The following AXDND1 variants were observed in gnomAD, a reference collection of about 807,000 sequenced individuals.
AXDND1 encodes the protein axonemal dynein light chain domain containing 1.
AXDND1 carries 110 observed loss-of-function variants against 137.5 expected under a neutral mutation model. The observed-to-expected ratio is 0.80, with a 90% CI of 0.69 to 0.94. The LOEUF is 0.94. Ranked by LOEUF, AXDND1 falls within the 40% of genes least tolerant of loss-of-function variation. The probability of loss-of-function intolerance (pLI) is 0.00; values close to 1 mark genes in which losing one functional copy is unlikely to be tolerated. For missense variants in AXDND1, 1,191 were observed against 1,169.8 expected (o/e 1.02, Z -0.26); for synonymous variants, 414 against 399.7 (o/e 1.04, Z -0.43).
intron 25 of AXDND1, chr1:179,551,753 T>G: frequency 2.6e-6 from 1 of 385,024 alleles, no homozygotes; most frequent in Non-Finnish European, 4.8e-6. Flanking sequence ...GAGAAAAGAT[T>G]AGCCAGCATT....
chr1:179,404,304 C>T (rs1318903659), intron 11 of AXDND1, among the ~76,000 whole-genome samples: 2 of 151,562 alleles, frequency 1.3e-5, no homozygotes. Context: ...TCACTGCAAC[C>T]TCTGCCTCCT....
rs1159341034 is a variant in AXDND1, at chr1:179,488,630, CTCTCCTT to C, written c.2092-2904_2092-2898del. Reference sequence around the variant, plus strand: ...TTTCTTTCTTTCTTTCTCTCTCTCTCTCTCCTTTCTTTCTTTCTTTCTTTCTTTCTTT... The same window carrying C: ...TTTCTTTCTTTCTTTCTCTCTCTCTCTCTTTCTTTCTTTCTTTCTTTCTTT... On this transcript the variant is annotated intron_variant, in intron 18 of 25. Transcript: ENST00000367618. Among the ~76,000 whole-genome samples the C allele has an allele frequency of 3.4e-3, 205 of 60,124 alleles. 17 individuals carry two copies. Among genetic ancestry groups the C allele is most frequent in the East Asian group, 0.015 (18 of 1,166 alleles). 39.4% of individuals were successfully genotyped at this position (60,124 alleles called of 152,430 possible).
intron 4 of AXDND1, among the ~76,000 whole-genome samples, chr1:179,370,473 T>C (rs1275517426): frequency 6.6e-6 from 1 of 152,244 alleles, no homozygotes; most frequent in Non-Finnish European, 1.5e-5. Context: ...CTAGGTAACA[T>C]AGCTTCATGA....
At chr1:179,419,601 G>A (rs1052242509) in intron 12 of AXDND1, among the ~76,000 whole-genome samples, 3 of 143,878 alleles carry the variant, frequency 2.1e-5, no homozygotes, top group Non-Finnish European at 3.0e-5. Flanking sequence ...GAGGGAGACC[G>A]TGGAAAGAGA....
chr1:179,540,268 G>C (rs1672000038), intron 25 of AXDND1, among the ~76,000 whole-genome samples: 1 of 152,132 alleles, frequency 6.6e-6, no homozygotes, highest in Non-Finnish European at 1.5e-5. Context: ...TGGAGGATAA[G>C]AGGCATTCTG....
At chr1:179,523,066 A>G (rs981786371) in intron 21 of AXDND1, among the ~76,000 whole-genome samples, 1 of 151,724 alleles carries the variant, frequency 6.6e-6, no homozygotes, top group Non-Finnish European at 1.5e-5. Flanking sequence ...TTCAATACTG[A>G]TGACTCCTTC....
intron 4 of AXDND1, among the ~76,000 whole-genome samples, chr1:179,370,823 A>G (rs956839196): frequency 6.6e-6 from 1 of 152,226 alleles, no homozygotes; most frequent in Non-Finnish European, 1.5e-5. Context: ...AAAAGGGAAT[A>G]ATAGGCTGGG....
chr1:179,540,280 T>C (rs1672001520), intron 25 of AXDND1, among the ~76,000 whole-genome samples: 1 of 152,116 alleles, frequency 6.6e-6, no homozygotes, highest in Admixed American at 6.5e-5. Flanking sequence ...GGCATTCTGG[T>C]TTTTGGAATT....
chr1:179,461,665 G>A (rs1662341014), intron 16 of AXDND1, among the ~76,000 whole-genome samples: 1 of 152,156 alleles, frequency 6.6e-6, no homozygotes, highest in South Asian at 2.1e-4. Context: ...TCACGATATT[G>A]ATTCTTCCTA....
intron 11 of AXDND1, among the ~76,000 whole-genome samples, chr1:179,409,474 C>CT (rs1653510005): frequency 1.3e-5 from 2 of 151,974 alleles, no homozygotes; most frequent in South Asian, 4.2e-4. Flanking sequence ...TTAGCTAGAA[C>CT]TTTATGTATT....
At chr1:179,501,294 C>G (rs1667974550) in intron 20 of AXDND1, among the ~76,000 whole-genome samples, 1 of 152,132 alleles carries the variant, frequency 6.6e-6, no homozygotes, top group African/African-American at 2.4e-5. Flanking sequence ...ACTGAAACAG[C>G]ATGGTGTTAG....
At position 179,488,173 on chromosome 1, in the gene AXDND1, A is replaced by G. The variant is rs1391444503; in HGVS notation, c.2092-3365A>G. On this transcript the variant is annotated intron_variant, in intron 18 of 25. Transcript: ENST00000367618. ...TATTTTAACAAAGTGTTCCCAGCCA[A>G]TTGAAATGCTTTATTTCTAAGATTT... Among the ~76,000 whole-genome samples the G allele has an allele frequency of 1.4e-5, 2 of 147,870 alleles. 1 individual carries two copies. Among genetic ancestry groups the G allele is most frequent in the Non-Finnish European group, 3.0e-5 (2 of 67,282 alleles).
At chr1:179,495,650 G>A (rs944861047) in intron 20 of AXDND1, among the ~76,000 whole-genome samples, 2 of 151,652 alleles carry the variant, frequency 1.3e-5, no homozygotes, top group Non-Finnish European at 2.9e-5. Context: ...TCTGCAGATA[G>A]GGACAGTTTT....
chr1:179,455,444 A>G (rs920882808), intron 16 of AXDND1: 3 of 151,052 alleles, frequency 2.0e-5, no homozygotes, highest in African/African-American at 7.3e-5. Flanking sequence ...TACAAAAAAA[A>G]TTAGCCGGGC....
intron 16 of AXDND1, chr1:179,448,109 T>TTTTTTTA (rs71114510): frequency 0.31 from 311,634 of 1,015,848 alleles, 50,853 homozygotes; most frequent in African/African-American, 0.37. Flanking sequence ...TCCTCATTAA[T>TTTTTTTA]TATTTTTCTT....
At chr1:179,420,844 C>T (rs1162613615) in intron 12 of AXDND1, among the ~76,000 whole-genome samples, 1 of 152,024 alleles carries the variant, frequency 6.6e-6, no homozygotes, top group African/African-American at 2.4e-5. Flanking sequence ...TGGTCTTGAA[C>T]TCCTGACCTC....
intron 16 of AXDND1, among the ~76,000 whole-genome samples, chr1:179,460,238 T>C (rs1397463842): frequency 2.0e-5 from 3 of 151,982 alleles, no homozygotes; most frequent in African/African-American, 7.3e-5. Context: ...TTCCCCACCC[T>C]GTGTCCAAGT....
intron 20 of AXDND1, among the ~76,000 whole-genome samples, chr1:179,502,655 G>C (rs1325152445): frequency 6.6e-6 from 1 of 151,444 alleles, no homozygotes; most frequent in Non-Finnish European, 1.5e-5. Flanking sequence ...TATACTGCTG[G>C]TAAGAATATA....
intron 25 of AXDND1, among the ~76,000 whole-genome samples, chr1:179,549,452 A>G (rs1191626368): frequency 6.6e-6 from 1 of 151,982 alleles, no homozygotes; most frequent in Non-Finnish European, 1.5e-5. Flanking sequence ...TGTGCCAGAC[A>G]TCAGAGGAAA....
Sources: gnomAD v4.1 joint callset for allele counts (sites outside exome capture counted in the v4.1 genomes callset) on GRCh38, gnomAD v4.1.1 for gene constraint, MANE v1.5 for transcripts, NCBI Gene and HGNC (gene_info 2026-07-23, HGNC 2026-07-21) for gene names.